PEX6: variants seen among roughly 807,000 people sequenced by gnomAD.
PEX6 encodes peroxisome biogenesis factor 6.
PEX6 carries 55 observed loss-of-function variants against 85.6 expected under a neutral mutation model. The ratio of observed to expected loss-of-function variants is 0.64; its 90% CI spans 0.52 to 0.80. The LOEUF (loss-of-function observed/expected upper bound fraction) is 0.80. Among genes scored for constraint, PEX6 ranks in the 30% least tolerant of loss-of-function variants. The pLI is 0.00. For missense variants in PEX6, 1,099 were observed against 1,260.3 expected (o/e 0.87, Z 1.94); for synonymous variants, 519 against 549.1 (o/e 0.95, Z 0.77).
chr6:42,964,503 T>C lies in PEX6; in HGVS notation c.2807-32A>G, dbSNP rs971789690. ...ATGACAAGGTGGGGAGGCTGTGGTC[T>C]ATGCCCAGGCAGGGGAGAGCCCTGC... On this transcript the variant is annotated intron_variant, in intron 16 of 16. Coordinates refer to ENST00000304611, the MANE Select transcript of PEX6 (RefSeq NM_000287.4). This position sits in a 1 kb window ranked among gnomAD's most constrained non-coding sequence, Gnocchi z 4.6. 1 of 1,612,112 alleles carries C rather than the reference T, an allele frequency of 6.2e-7. No homozygotes were observed.
rs1171568759 is a variant in PEX6 at position 42,965,293 on chromosome 6, G to A, written c.2547C>T (p.Asn849=). Residue 849 remains asparagine, a synonymous_variant, in exon 14 of 17, where the codon AAC becomes AAT. Coordinates refer to ENST00000304611, the MANE Select transcript of PEX6 (RefSeq NM_000287.4). The surrounding 1 kb of genome is among the most constrained non-coding windows in gnomAD (Gnocchi z 5.0). The part of the protein sequence containing the change: ...TQDVFVIGAT[N]RPDLLDPALL... ...GGGCAGGGTCCAGGAGATCTGGTCT[G>A]TTGGTGGCTCCAATCACAAACACAT... 3.1e-6 allele frequency: 5 copies of A among 1,614,082 alleles called. No individual in the cohort carries two copies. In the African/African-American group the frequency reaches 5.3e-5, roughly 17 times the overall value.
rs1769623113 is a variant in PEX6 at position 42,964,195 on chromosome 6, C to T, written c.*140G>A. ...GCTGCTGTCTCAATGCCACTTTGCA[C>T]CCTGGGATCTCCTGGAGGGAGGTGG... On this transcript the variant is annotated 3_prime_UTR_variant, in exon 17 of 17. Transcript: ENST00000304611. The surrounding 1 kb of genome is among the most constrained non-coding windows in gnomAD (Gnocchi z 4.6). The T allele has an allele frequency of 2.2e-6, 2 of 918,718 alleles. No homozygotes were observed. Among genetic ancestry groups the T allele is most frequent in the Non-Finnish European group, 1.7e-6 (1 of 584,818 alleles). 56.9% of individuals were successfully genotyped at this position (918,718 alleles called of 1,614,324 possible).
Position 42,965,483 on chromosome 6 carries a change from C to A in PEX6, c.2472-115G>T. On this transcript the variant is annotated intron_variant, in intron 13 of 16. Transcript: ENST00000304611. This position sits in a 1 kb window ranked among gnomAD's most constrained non-coding sequence, Gnocchi z 5.0. ...ACAGGGCCCTCCACTCAGCTGTGCCCAATGTGCCCCACCAGGTAGGCCCCC... is the reference window on the plus strand; with the variant it reads ...ACAGGGCCCTCCACTCAGCTGTGCCAAATGTGCCCCACCAGGTAGGCCCCC... 1 of 936,082 alleles carries A rather than the reference C, an allele frequency of 1.1e-6. No homozygotes were observed. 58.0% of individuals were successfully genotyped at this position (936,082 alleles called of 1,614,324 possible).
At position 42,975,730 on chromosome 6, in the gene PEX6, A is replaced by T. The variant is rs570288275; in HGVS notation, c.883-692T>A. Among the ~76,000 whole-genome samples the T allele has an allele frequency of 8.7e-3, 1,247 of 143,766 alleles. 14 individuals carry two copies. Among genetic ancestry groups the T allele is most frequent in the African/African-American group, 0.03 (1,177 of 39,318 alleles). 94.3% of individuals were successfully genotyped at this position (143,766 alleles called of 152,430 possible). A position where few individuals can be genotyped will look rare whatever the true frequency, so the allele number is the denominator to read the frequency against. On this transcript the variant is annotated intron_variant, in intron 1 of 16. Coordinates refer to ENST00000304611, the MANE Select transcript of PEX6 (RefSeq NM_000287.4). Reference sequence around the variant, plus strand: ...TGATTTAGTTTTTTTTTTTTTTTTGAGACTTAGTCTCACTTTGTCGCCCAT... The same window carrying T: ...TGATTTAGTTTTTTTTTTTTTTTTGTGACTTAGTCTCACTTTGTCGCCCAT...
intron 2 of PEX6, among the ~76,000 whole-genome samples, chr6:42,974,420 C>T (rs1035141901): frequency 9.5e-4 from 143 of 150,862 alleles, no homozygotes; most frequent in Admixed American, 1.5e-3. Context: ...CCAAGAGGCG[C>T]CTACCACAAT....
chr6:42,974,764 A>T, intron 2 of PEX6, 111 bp downstream of exon 2: 2 of 1,015,474 alleles, frequency 2.0e-6, no homozygotes, highest in Non-Finnish European at 3.1e-6. Context: ...CCTAGCCGCA[A>T]ATGTGGCTTC....
intron 1 of PEX6, among the ~76,000 whole-genome samples, chr6:42,977,457 C>T: frequency 6.6e-6 from 1 of 151,596 alleles, no homozygotes; most frequent in South Asian, 2.1e-4. Context: ...TTTTGTATGC[C>T]CCACTACATT....
Position 42,964,986 on chromosome 6 carries a change from G to T in PEX6, c.2667-57C>A. The T allele has an allele frequency of 6.2e-7, 1 of 1,613,502 alleles. No individual in the cohort carries two copies. The highest frequency in any genetic ancestry group is 8.5e-7 in the Non-Finnish European group (1 of 1,179,426). ...GCATCACCTCCTCCCTCGAAAGCCAGTGCTGACCAGCTCATCCTGCATGTT... is the reference window on the plus strand; with the variant it reads ...GCATCACCTCCTCCCTCGAAAGCCATTGCTGACCAGCTCATCCTGCATGTT... On this transcript the variant is annotated intron_variant, in intron 15 of 16. Transcript: ENST00000304611. The surrounding 1 kb of genome is among the most constrained non-coding windows in gnomAD (Gnocchi z 4.6).
chr6:42,967,058 C>T (rs534125135), intron 8 of PEX6, among the ~76,000 whole-genome samples, 200 bp from the exon 9 acceptor site: 3 of 149,586 alleles, frequency 2.0e-5, no homozygotes, highest in East Asian at 2.0e-4. Flanking sequence ...CCGCAACTTC[C>T]ACCCGGGTTC....
At position 42,979,119 on chromosome 6, in the gene PEX6, G is replaced by A. The variant is rs2150240912; in HGVS notation, c.32C>T (p.Pro11Leu). Reference protein sequence around the residue: MALAVLRVLEPFPTETPPLAV... With the variant: MALAVLRVLELFPTETPPLAV... ...CAACGGGGGTGTCTCGGTCGGAAAGGGCTCCAGGACCCGCAAGACAGCCAG... is the reference window on the plus strand; with the variant it reads ...CAACGGGGGTGTCTCGGTCGGAAAGAGCTCCAGGACCCGCAAGACAGCCAG... Residue 11 changes from proline (P) to leucine (L), a missense_variant, in exon 1 of 17, where the codon CCC (proline) becomes CTC (leucine). By Grantham distance (98) the Pro-to-Leu change is moderately conservative. This residue lies in a region of PEX6 where 579 missense variants were observed against 611.6 expected (regional missense o/e 0.95). Coordinates refer to ENST00000304611, the MANE Select transcript of PEX6 (RefSeq NM_000287.4). 2 of 1,573,424 alleles carry A rather than the reference G, an allele frequency of 1.3e-6. No homozygotes were observed. Among genetic ancestry groups the A allele is most frequent in the Non-Finnish European group, 8.6e-7 (1 of 1,168,504 alleles).
At chr6:42,966,479 G>T (rs1164615060) in intron 10 of PEX6, 32 bp from the exon 11 acceptor site, 2 of 1,614,042 alleles carry the variant, frequency 1.2e-6, no homozygotes, top group African/African-American at 1.3e-5. Flanking sequence ...GTTGGGATAT[G>T]CTCTTGGAGG....
At chr6:42,967,826 G>A (rs940605069) in intron 7 of PEX6, among the ~76,000 whole-genome samples, 6 of 152,002 alleles carry the variant, frequency 3.9e-5, no homozygotes, top group Admixed American at 6.6e-5. Context: ...CTAAAGACAC[G>A]GAGCTCAGGG....
intron 7 of PEX6, 66 bp downstream of exon 7, chr6:42,968,224 A>C: frequency 1.5e-6 from 2 of 1,366,898 alleles, no homozygotes; most frequent in Non-Finnish European, 2.1e-6. Flanking sequence ...TGCTGGGATT[A>C]TAAGTGTGAG....
At position 42,978,358 on chromosome 6, in the gene PEX6, G is replaced by A. The variant is rs1402135784; in HGVS notation, c.793C>T (p.Pro265Ser). 1.2e-6 allele frequency: 2 copies of A among 1,614,208 alleles called. No homozygotes were observed. Among genetic ancestry groups the A allele is most frequent in the Admixed American group, 1.7e-5 (1 of 60,028 alleles). Residue 265 changes from proline (P) to serine (S), a missense_variant, in exon 1 of 17, where the codon CCC becomes TCC. Physicochemically the swap from Pro to Ser is moderately conservative, Grantham distance 74. Coordinates refer to ENST00000304611, the MANE Select transcript of PEX6 (RefSeq NM_000287.4). ...ACAAGCGCCAGTCCGTCAGCGAGGG[G>A]CTCTCCCAGCGGTCCAGAGCCGGGT... ...LGPGSGPLGE[P>S]LADGLALVPA...
At chr6:42,973,674 G>A (rs1243530423) in intron 3 of PEX6, among the ~76,000 whole-genome samples, 1 of 152,096 alleles carries the variant, frequency 6.6e-6, no homozygotes, top group African/African-American at 2.4e-5. Flanking sequence ...TCAACATGGC[G>A]AAACCCTATC....
rs369670930 is a variant in PEX6, at chr6:42,964,509, C to A, written c.2807-38G>T. Reference sequence around the variant, plus strand: ...AGGTGGGGAGGCTGTGGTCTATGCCCAGGCAGGGGAGAGCCCTGCGAAGGT... The same window carrying A: ...AGGTGGGGAGGCTGTGGTCTATGCCAAGGCAGGGGAGAGCCCTGCGAAGGT... On this transcript the variant is annotated intron_variant, in intron 16 of 16. Transcript: ENST00000304611. The surrounding 1 kb of genome is among the most constrained non-coding windows in gnomAD (Gnocchi z 4.6). The A allele has an allele frequency of 1.9e-6, 3 of 1,611,694 alleles. No individual in the cohort carries two copies. Among genetic ancestry groups the A allele is most frequent in the Admixed American group, 1.7e-5 (1 of 60,008 alleles).
intron 1 of PEX6, 53 bp downstream of exon 1, chr6:42,978,216 A>T: frequency 6.3e-7 from 1 of 1,585,998 alleles, no homozygotes; most frequent in Non-Finnish European, 8.7e-7. Flanking sequence ...CCTAAGACAG[A>T]GAAGAGGGTA....
Position 42,964,393 on chromosome 6 carries a change from A to G in PEX6, c.2885T>C (p.Val962Ala), listed in dbSNP as rs1361796630. 1.2e-6 allele frequency: 2 copies of G among 1,613,744 alleles called. No homozygotes were observed. Among genetic ancestry groups the G allele is most frequent in the Admixed American group, 1.7e-5 (1 of 60,002 alleles). The change falls in exon 17 of 17, where the codon GTC (valine) becomes GCC (alanine). Residue 962 changes from valine to alanine, a missense_variant. Transcript: ENST00000304611. The surrounding 1 kb of genome is among the most constrained non-coding windows in gnomAD (Gnocchi z 4.6). The stretch of plus-strand genomic sequence containing the variant: ...GTACCGGAGCAGCTCCTGCTCACTG[A>G]CTGAGGGTTGCAGCCGGGCGGCAGC... ...LQAAARLQPS[V>A]SEQELLRYKR...
intron 3 of PEX6, among the ~76,000 whole-genome samples, chr6:42,972,403 T>C (rs1770089894): frequency 6.6e-6 from 1 of 152,220 alleles, no homozygotes; most frequent in Non-Finnish European, 1.5e-5. Flanking sequence ...GGATTCCTTA[T>C]TTTGGGTTCT....
Sources: allele counts gnomAD v4.1 joint callset (sites outside exome capture counted in the v4.1 genomes callset), GRCh38; gene constraint gnomAD v4.1.1; regional missense constraint gnomAD v4.1.1; non-coding constraint Gnocchi (gnomAD v3.1); transcripts MANE v1.5; gene names NCBI Gene and HGNC (gene_info 2026-07-23, HGNC 2026-07-21).